KDM2B: variants seen among roughly 807,000 people sequenced by gnomAD.
KDM2B encodes lysine-specific demethylase 2B.
A neutral mutation model predicts 150.0 loss-of-function variants in KDM2B; 26 were observed. The observed-to-expected ratio is 0.17, with a 90% CI of 0.13 to 0.24. KDM2B has a LOEUF of 0.24. KDM2B is among the 10% of genes least tolerant of loss of function. The pLI is 1.00. For missense variants in KDM2B, 1,265 were observed against 1,816.9 expected, an observed-to-expected ratio of 0.70 and a Z score of 5.52; for synonymous variants, 734 against 729.5, an observed-to-expected ratio of 1.01 and a Z score of -0.10.
chr12:121,501,901 G>A (rs1399013109), intron 11 of KDM2B, among the ~76,000 whole-genome samples: 1 of 152,146 alleles, frequency 6.6e-6, no homozygotes, highest in Non-Finnish European at 1.5e-5. Context: ...GATGATAGGC[G>A]TGAGCCACCG....
intron 12 of KDM2B, among the ~76,000 whole-genome samples, chr12:121,460,050 C>T (rs910037735): frequency 2.6e-5 from 4 of 152,124 alleles, no homozygotes; most frequent in African/African-American, 4.8e-5. Flanking sequence ...TACAAATGGC[C>T]AGTAAGCACA....
intron 4 of KDM2B, among the ~76,000 whole-genome samples, chr12:121,571,028 T>C (rs1430106903): frequency 6.6e-6 from 1 of 152,166 alleles, no homozygotes; most frequent in Non-Finnish European, 1.5e-5. Context: ...AAGTACTGCC[T>C]CATGCTGCAA....
intron 11 of KDM2B, among the ~76,000 whole-genome samples, chr12:121,494,949 T>C (rs1372409879): frequency 6.6e-6 from 1 of 152,028 alleles, no homozygotes; most frequent in Non-Finnish European, 1.5e-5. Context: ...ATCACAGTTA[T>C]GACATCTAGC....
chr12:121,560,797 G>C (rs75430638), intron 4 of KDM2B, among the ~76,000 whole-genome samples: 1 of 152,126 alleles, frequency 6.6e-6, no homozygotes, highest in Non-Finnish European at 1.5e-5. Flanking sequence ...GTTTGGCACC[G>C]GGGAGGAGGC....
chr12:121,477,233 G>T (rs999674387), intron 12 of KDM2B, among the ~76,000 whole-genome samples: 1 of 151,858 alleles, frequency 6.6e-6, no homozygotes, highest in Non-Finnish European at 1.5e-5. Flanking sequence ...ACCACACCAG[G>T]CTAATTTTTT....
rs892451357 is a variant in KDM2B, at chr12:121,453,443, G to A, written c.1735-99C>T. On this transcript the variant is annotated intron_variant, in intron 12 of 22. Coordinates refer to ENST00000377071, the MANE Select transcript of KDM2B (RefSeq NM_032590.5). The surrounding 1 kb of genome is among the most constrained non-coding windows in gnomAD (Gnocchi z 6.4). ...GGAGCAAACTGTGTACCCCCAGAAA[G>A]ACACGATGGGGGCTCTAAACCCCAT... 3 of 846,840 alleles carry A rather than the reference G, an allele frequency of 3.5e-6. No individual in the cohort carries two copies. In the Admixed American group the frequency reaches 8.4e-5, roughly 24 times the overall value. 52.5% of individuals were successfully genotyped at this position (846,840 alleles called of 1,614,324 possible). A position where few individuals can be genotyped will look rare whatever the true frequency, so the allele number is the denominator to read the frequency against.
Position 121,520,488 on chromosome 12 carries a change from G to A in KDM2B, c.1047+497C>T, listed in dbSNP as rs1425243394. Among the ~76,000 whole-genome samples, 4 of 152,128 alleles carry A rather than the reference G, an allele frequency of 2.6e-5. No homozygotes were observed. The highest frequency in any genetic ancestry group is 2.6e-4 in the Admixed American group (4 of 15,274). On this transcript the variant is annotated intron_variant, in intron 9 of 22. Transcript: ENST00000377071. The surrounding 1 kb of genome is among the most constrained non-coding windows in gnomAD (Gnocchi z 4.5). The stretch of plus-strand genomic sequence containing the variant: ...CAGCAGACATGGAGACTACCTCAGA[G>A]ACAGTACCCAGGGGGACTCAGGCAC...
intron 6 of KDM2B, among the ~76,000 whole-genome samples, chr12:121,540,168 T>C (rs1555309500): frequency 6.6e-6 from 1 of 152,178 alleles, no homozygotes; most frequent in African/African-American, 2.4e-5. Flanking sequence ...GTGTCTATGG[T>C]GGTGCGTTGG....
intron 8 of KDM2B, among the ~76,000 whole-genome samples, chr12:121,523,493 C>T (rs1405661387): frequency 2.6e-5 from 4 of 152,208 alleles, no homozygotes; most frequent in Non-Finnish European, 5.9e-5. Flanking sequence ...AAAATTACAG[C>T]GACTGCCTCT....
chr12:121,415,263 A>G, the KDM2B span: 1 of 301,294 alleles, frequency 3.3e-6, no homozygotes, highest in Non-Finnish European at 7.4e-6. Context: ...AATTATTTAC[A>G]TATGCTATAG....
At chr12:121,579,857 C>T (rs543305653) in intron 1 of KDM2B, among the ~76,000 whole-genome samples, 5 of 150,100 alleles carry the variant, frequency 3.3e-5, no homozygotes, top group Non-Finnish European at 7.4e-5. Context: ...AAGCAGCTTG[C>T]TTCCTTTTGC....
intron 8 of KDM2B, among the ~76,000 whole-genome samples, chr12:121,525,542 T>A (rs548920919): frequency 6.6e-6 from 1 of 152,286 alleles, no homozygotes; most frequent in East Asian, 1.9e-4. Flanking sequence ...TGAGCCACCG[T>A]GCCACGCCAG....
chr12:121,534,336 G>A (rs187167583), intron 7 of KDM2B, among the ~76,000 whole-genome samples, 161 bp downstream of exon 7: 16 of 149,202 alleles, frequency 1.1e-4, no homozygotes, highest in African/African-American at 1.0e-4. Flanking sequence ...GCGACAGAGC[G>A]AGACTCCATC....
chr12:121,457,030 C>G (rs1176890483), intron 12 of KDM2B, among the ~76,000 whole-genome samples: 1 of 152,156 alleles, frequency 6.6e-6, no homozygotes, highest in South Asian at 2.1e-4. Flanking sequence ...CTGAAAAACC[C>G]ACAGGTAAGA....
intron 13 of KDM2B, among the ~76,000 whole-genome samples, chr12:121,450,326 G>T (rs1244702714): frequency 6.7e-6 from 1 of 149,332 alleles, no homozygotes; most frequent in Non-Finnish European, 1.5e-5. Context: ...AAAAAAAAAA[G>T]AAAGAAAAAA....
At chr12:121,443,368 A>C (rs1555289126) in intron 17 of KDM2B, 1 of 575,314 alleles carries the variant, frequency 1.7e-6, no homozygotes, top group African/African-American at 1.9e-5. Flanking sequence ...GCCCAGCAGG[A>C]ATGGCTAGAG....
Position 121,453,641 on chromosome 12 carries a change from CCA to C in KDM2B, c.1735-299_1735-298del, listed in dbSNP as rs1422727461. On this transcript the variant is annotated intron_variant, in intron 12 of 22. Coordinates refer to ENST00000377071, the MANE Select transcript of KDM2B (RefSeq NM_032590.5). The surrounding 1 kb of genome is among the most constrained non-coding windows in gnomAD (Gnocchi z 6.4). ...GAACGTGTGTGAAGACACAGGCCTT[CCA>C]CAGACTGGAGCCCTGTCTACAAGCC... 1.3e-5 allele frequency among the ~76,000 whole-genome samples: 2 copies of C among 152,144 alleles called. No homozygotes were observed. Among genetic ancestry groups the C allele is most frequent in the Non-Finnish European group, 2.9e-5 (2 of 68,030 alleles).
chr12:121,442,912 C>G lies in KDM2B; in HGVS notation c.2605-76G>C, dbSNP rs1875415801. ...CGCCCAAGGCCTCCCGCCCCCCTGCCACGGGACTGTGGCCCAGGGAGCTGC... is the reference window on the plus strand; with the variant it reads ...CGCCCAAGGCCTCCCGCCCCCCTGCGACGGGACTGTGGCCCAGGGAGCTGC... On this transcript the variant is annotated intron_variant, in intron 18 of 22. Transcript: ENST00000377071. The surrounding 1 kb of genome is among the most constrained non-coding windows in gnomAD (Gnocchi z 7.7). 3 of 1,577,448 alleles carry G rather than the reference C, an allele frequency of 1.9e-6. No individual in the cohort carries two copies. The highest frequency in any genetic ancestry group is 2.3e-5 in the South Asian group (2 of 86,982).
chr12:121,502,567 G>A (rs11837997), intron 11 of KDM2B, among the ~76,000 whole-genome samples: 30,180 of 151,636 alleles, frequency 0.2, 4,994 homozygotes, highest in African/African-American at 0.46. Flanking sequence ...GTTGCAATGA[G>A]CCAAGATCAC....
Sources: gnomAD v4.1 joint callset for allele counts (sites outside exome capture counted in the v4.1 genomes callset) on GRCh38, gnomAD v4.1.1 for gene constraint, Gnocchi (gnomAD v3.1) non-coding constraint, MANE v1.5 for transcripts, NCBI Gene and HGNC (gene_info 2026-07-23, HGNC 2026-07-21) for gene names.